The following ARAP2 variants were observed in gnomAD, a reference collection of about 807,000 sequenced individuals.
ARAP2 encodes arf-GAP with Rho-GAP domain, ANK repeat and PH domain-containing protein 2.
Under a neutral mutation model 194.5 loss-of-function variants are expected in ARAP2, and 148 were observed. The ratio of observed to expected loss-of-function variants is 0.76; its 90% CI spans 0.67 to 0.87. The LOEUF is 0.87. Among genes scored for constraint, ARAP2 ranks in the 40% least tolerant of loss-of-function variants. The pLI is 0.00. For missense variants in ARAP2, 2,128 were observed against 1,989.7 expected, an observed-to-expected ratio of 1.07 and a Z score of -1.32; for synonymous variants, 695 against 683.5, an observed-to-expected ratio of 1.02 and a Z score of -0.26.
In ARAP2 at chr4:36,138,173, T is replaced by C. The variant is rs1046998718; in HGVS notation, c.3264-4784A>G. Among the ~76,000 whole-genome samples, 4 of 151,748 alleles carry C rather than the reference T, an allele frequency of 2.6e-5. No homozygotes were observed. The Admixed American group carries it at 2.6e-4, about 10-fold the overall frequency. ...TCATCCAAATAAGCTTTTGGGTTTGTTTTCTTCTGGAAAAGTATGAATTGT... is the reference window on the plus strand; with the variant it reads ...TCATCCAAATAAGCTTTTGGGTTTGCTTTCTTCTGGAAAAGTATGAATTGT... On this transcript the variant is annotated intron_variant, in intron 19 of 32. Coordinates refer to ENST00000303965, the MANE Select transcript of ARAP2 (RefSeq NM_015230.4).
At chr4:36,213,692 G>A (rs1747275844) in intron 3 of ARAP2, among the ~76,000 whole-genome samples, 1 of 151,898 alleles carries the variant, frequency 6.6e-6, no homozygotes, top group Non-Finnish European at 1.5e-5. Context: ...ATTCTAAATG[G>A]CAGAAAATTA....
intron 19 of ARAP2, among the ~76,000 whole-genome samples, chr4:36,134,227 T>C (rs1726114156): frequency 6.6e-6 from 1 of 151,794 alleles, no homozygotes; most frequent in African/African-American, 2.4e-5. Context: ...TACTAAAGAA[T>C]ATTTATATTT....
At position 36,084,960 on chromosome 4, in the gene ARAP2, C is replaced by A. The variant is rs369093353; in HGVS notation, c.4426-1510G>T. Among the ~76,000 whole-genome samples, 19 of 151,602 alleles carry A rather than the reference C, an allele frequency of 1.3e-4. No homozygotes were observed. The South Asian group carries it at 3.3e-3, about 27-fold the overall frequency. On this transcript the variant is annotated intron_variant, in intron 28 of 32. Coordinates refer to ENST00000303965, the MANE Select transcript of ARAP2 (RefSeq NM_015230.4). ...CTAAGAATATGATTCAGAAAAAAAT[C>A]TTATCTACACGGATAGGGTACATTT...
chr4:36,130,927 A>G lies in ARAP2; in HGVS notation c.3428-2182T>C, dbSNP rs77767742. On this transcript the variant is annotated intron_variant, in intron 20 of 32. Coordinates refer to ENST00000303965, the MANE Select transcript of ARAP2 (RefSeq NM_015230.4). ...AAGTTAACTGAAAAATAATTTGAAC[A>G]TAATTTTGTTTATATAACTGAAATA... Among the ~76,000 whole-genome samples the G allele has an allele frequency of 5.5e-3, 838 of 152,040 alleles. 7 individuals are homozygous for G. The highest frequency in any genetic ancestry group is 0.019 in the African/African-American group (799 of 41,542).
intron 22 of ARAP2, among the ~76,000 whole-genome samples, chr4:36,123,625 A>G (rs540371127): frequency 4.1e-4 from 62 of 151,556 alleles, no homozygotes; most frequent in African/African-American, 1.4e-3. Flanking sequence ...CTCACCAGAA[A>G]CTCAACAAAA....
chr4:36,151,567 C>T (rs769611264), intron 15 of ARAP2, among the ~76,000 whole-genome samples: 14 of 152,090 alleles, frequency 9.2e-5, no homozygotes, highest in Non-Finnish European at 2.1e-4. Context: ...GACATTAAGA[C>T]TACTAAGGTC....
intron 6 of ARAP2, among the ~76,000 whole-genome samples, chr4:36,016,898 T>C (rs1243303701): frequency 6.6e-6 from 1 of 152,110 alleles, no homozygotes; most frequent in Non-Finnish European, 1.5e-5. Context: ...ATTCCATTTA[T>C]GGTACACTTT....
chr4:36,083,494 T>A, intron 28 of ARAP2, 44 bp from the exon 29 acceptor site: 1 of 1,321,740 alleles, frequency 7.6e-7, no homozygotes, highest in South Asian at 1.3e-5. Flanking sequence ...GATTTACACA[T>A]TTCCTTACAT....
At chr4:36,194,691 A>G (rs1742691263) in intron 6 of ARAP2, among the ~76,000 whole-genome samples, 1 of 152,228 alleles carries the variant, frequency 6.6e-6, no homozygotes, top group Non-Finnish European at 1.5e-5. Context: ...TTGTTAGCAA[A>G]TATGTTCTGC....
intron 2 of ARAP2, among the ~76,000 whole-genome samples, chr4:36,225,973 A>T (rs1750216170): frequency 1.3e-5 from 2 of 152,190 alleles, no homozygotes; most frequent in African/African-American, 4.8e-5. Context: ...ATAACACTTT[A>T]AAATCATGGA....
At chr4:36,211,827 T>A (rs188034981) in intron 5 of ARAP2, among the ~76,000 whole-genome samples, 1 of 152,098 alleles carries the variant, frequency 6.6e-6, no homozygotes, top group East Asian at 1.9e-4. Flanking sequence ...ACATCTACTA[T>A]GTAATCTCAA....
intron 28 of ARAP2, among the ~76,000 whole-genome samples, chr4:36,085,471 A>G (rs768011652): frequency 2.8e-4 from 42 of 152,186 alleles, no homozygotes; most frequent in Non-Finnish European, 4.9e-4. Flanking sequence ...TTAGACATGC[A>G]CTTTTTGTGA....
At chr4:36,034,294 A>G (rs149591412) in intron 5 of ARAP2, among the ~76,000 whole-genome samples, 49 of 152,136 alleles carry the variant, frequency 3.2e-4, no homozygotes, top group Non-Finnish European at 5.7e-4. Context: ...TATTTTCCAT[A>G]TGTTTGTGTC....
intron 26 of ARAP2, among the ~76,000 whole-genome samples, chr4:36,111,938 C>T (rs920739542): frequency 1.3e-5 from 2 of 151,958 alleles, no homozygotes; most frequent in African/African-American, 4.8e-5. Flanking sequence ...TACTCCTAAA[C>T]CCACAATTCA....
intron 2 of ARAP2, among the ~76,000 whole-genome samples, chr4:36,224,189 T>C (rs1446221237): frequency 6.7e-6 from 1 of 148,232 alleles, no homozygotes; most frequent in Admixed American, 6.7e-5. Context: ...ACAACAAATA[T>C]GTGGATCATC....
chr4:36,159,906 C>T (rs1364168467), intron 13 of ARAP2, among the ~76,000 whole-genome samples: 1 of 152,142 alleles, frequency 6.6e-6, no homozygotes, highest in African/African-American at 2.4e-5. Context: ...CCAATCTAAT[C>T]AGGAGCTGCA....
At chr4:36,125,028 C>T in intron 21 of ARAP2, 61 bp from the exon 22 acceptor site, 1 of 1,099,834 alleles carries the variant, frequency 9.1e-7, no homozygotes, top group Non-Finnish European at 1.4e-6. Context: ...ATGGATTTGT[C>T]TATCAGCAGT....
At chr4:36,056,773 A>C (rs552042046) in intron 2 of ARAP2, among the ~76,000 whole-genome samples, 31 of 152,240 alleles carry the variant, frequency 2.0e-4, no homozygotes, top group African/African-American at 7.5e-4. Flanking sequence ...TATAAGCATG[A>C]AAGTCATATG....
rs1159475256 is a variant in ARAP2, at chr4:36,161,569, T to G, written c.2174-19A>C. 6.4e-7 allele frequency: 1 copy of G among 1,569,386 alleles called. No homozygotes were observed. The highest frequency in any genetic ancestry group is 1.1e-5 in the South Asian group (1 of 89,880). The stretch of plus-strand genomic sequence containing the variant: ...TGCTGTCCTAGAGTCAAAACACAAT[T>G]GCATTTCTATTTTAATTTGTATGTA... On this transcript the variant is annotated intron_variant, in intron 11 of 32. Coordinates refer to ENST00000303965, the MANE Select transcript of ARAP2 (RefSeq NM_015230.4).
Sources: allele counts gnomAD v4.1 joint callset (sites outside exome capture counted in the v4.1 genomes callset), GRCh38; gene constraint gnomAD v4.1.1; transcripts MANE v1.5; gene names NCBI Gene and HGNC (gene_info 2026-07-23, HGNC 2026-07-21).